Variants in INTS10 observed in about 807,000 individuals in gnomAD.
INTS10 encodes integrator complex subunit 10.
Under a neutral mutation model 94.4 loss-of-function variants are expected in INTS10, and 44 were observed. The observed-to-expected ratio is 0.47, with a 90% CI of 0.37 to 0.60. INTS10 has a LOEUF of 0.60. Among genes scored for constraint, INTS10 ranks in the 20% least tolerant of loss-of-function variants. The pLI is 0.00. For synonymous variants in INTS10, 341 were observed against 320.7 expected (o/e 1.06, Z -0.68); for missense variants, 797 against 868.7 (o/e 0.92, Z 1.04).
At chr8:19,836,730 C>G (rs1222987159) in intron 12 of INTS10, among the ~76,000 whole-genome samples, 1 of 152,194 alleles carries the variant, frequency 6.6e-6, no homozygotes, top group Admixed American at 6.5e-5. Flanking sequence ...CAGTATCTTT[C>G]AGGCAGGGAC....
At chr8:19,818,229 C>T in intron 1 of INTS10, 46 bp from the exon 2 acceptor site, 6 of 1,593,558 alleles carry the variant, frequency 3.8e-6, no homozygotes, top group Non-Finnish European at 5.2e-6. Flanking sequence ...AGCTGGGAGC[C>T]TTCTGGGCAG....
rs1262595727 is a variant in INTS10, at chr8:19,851,630, T to C, written c.1977-19T>C. The C allele has an allele frequency of 5.0e-6, 8 of 1,613,720 alleles. No homozygotes were observed. Among genetic ancestry groups the C allele is most frequent in the Non-Finnish European group, 6.8e-6 (8 of 1,179,670 alleles). ...TGCTAACCCCTGGTCTTTGTCTGTT[T>C]CCCTATTGCTGACCTCAGGCACCAC... On this transcript the variant is annotated intron_variant, in intron 16 of 16. Coordinates refer to ENST00000397977, the MANE Select transcript of INTS10 (RefSeq NM_018142.4). This position sits in a 1 kb window ranked among gnomAD's most constrained non-coding sequence, Gnocchi z 5.0.
chr8:19,838,814 G>A (rs1407464421), intron 13 of INTS10, among the ~76,000 whole-genome samples: 2 of 152,188 alleles, frequency 1.3e-5, no homozygotes, highest in Non-Finnish European at 2.9e-5. Context: ...GCTCATGCCT[G>A]TAATTGCAGC....
chr8:19,817,499 C>G lies in INTS10; in HGVS notation c.-39C>G, dbSNP rs777488737. 2.5e-6 allele frequency: 4 copies of G among 1,591,066 alleles called. No individual in the cohort carries two copies. The highest frequency in any genetic ancestry group is 1.1e-5 in the South Asian group (1 of 88,454). ...GGCTGAGAGTCCAGAGCCGGACGTT[C>G]CGGCCGCTTCGGGCTGGCGGCTGGA... is the stretch of plus-strand genomic sequence containing the variant. On this transcript the variant is annotated 5_prime_UTR_variant, in exon 1 of 17. Coordinates refer to ENST00000397977, the MANE Select transcript of INTS10 (RefSeq NM_018142.4).
At chr8:19,848,220 G>A (rs1442693683) in intron 16 of INTS10, among the ~76,000 whole-genome samples, 1 of 152,126 alleles carries the variant, frequency 6.6e-6, no homozygotes, top group Non-Finnish European at 1.5e-5. Context: ...CCTTTTGGGT[G>A]GTCCCTCCAG....
chr8:19,831,956 T>G, intron 10 of INTS10, 72 bp from the exon 11 acceptor site: 1 of 882,616 alleles, frequency 1.1e-6, no homozygotes. Flanking sequence ...TCTCTCTTAC[T>G]GGATTTGTTA....
rs769114647 is a variant in INTS10 at position 19,843,929 on chromosome 8, C to T, written c.1720-147C>T. ...CAGCTGTGATGTTTACCAGCCATTT[C>T]GTTGTGCCTTTGTTTCCTTCTTACT... On this transcript the variant is annotated intron_variant, in intron 14 of 16. Coordinates refer to ENST00000397977, the MANE Select transcript of INTS10 (RefSeq NM_018142.4). This position sits in a 1 kb window ranked among gnomAD's most constrained non-coding sequence, Gnocchi z 4.7. 11 of 577,780 alleles carry T rather than the reference C, an allele frequency of 1.9e-5. No homozygotes were observed. The highest frequency in any genetic ancestry group is 1.0e-4 in the Admixed American group (3 of 29,440). The allele number at this position is 577,780 out of a possible 1,614,324, so 35.8% of individuals were successfully genotyped here. A position where few individuals can be genotyped will look rare whatever the true frequency, so the allele number is the denominator to read the frequency against.
At chr8:19,823,101 A>G (rs2066514341) in intron 5 of INTS10, among the ~76,000 whole-genome samples, 200 bp from the exon 6 acceptor site, 1 of 152,192 alleles carries the variant, frequency 6.6e-6, no homozygotes, top group East Asian at 1.9e-4. Context: ...CCCACAGCAT[A>G]AAAGTGTCTG....
chr8:19,834,092 C>A (rs4922107), intron 12 of INTS10, among the ~76,000 whole-genome samples: 40,029 of 151,676 alleles, frequency 0.26, 5,314 homozygotes, highest in Middle Eastern at 0.47. Flanking sequence ...CAAGCCCTTC[C>A]TACTACAGGG....
intron 13 of INTS10, among the ~76,000 whole-genome samples, chr8:19,841,620 C>T (rs2068130432): frequency 6.6e-6 from 1 of 152,190 alleles, no homozygotes; most frequent in South Asian, 2.1e-4. Flanking sequence ...TACCATTTCA[C>T]ACACATCAGA....
rs752341190 is a variant in INTS10 at position 19,822,538 on chromosome 8, C to T, written c.523+18C>T. On this transcript the variant is annotated intron_variant, in intron 5 of 16. Coordinates refer to ENST00000397977, the MANE Select transcript of INTS10 (RefSeq NM_018142.4). ...ATTATTTGGTAAGGAAAATTGTATTCTCTATTACTTCTATGGTAAATTAAT... is the reference window on the plus strand; with the variant it reads ...ATTATTTGGTAAGGAAAATTGTATTTTCTATTACTTCTATGGTAAATTAAT... 17 of 1,414,056 alleles carry T rather than the reference C, an allele frequency of 1.2e-5. No homozygotes were observed. The highest frequency in any genetic ancestry group is 1.7e-5 in the Admixed American group (1 of 59,438). The allele number at this position is 1,414,056 out of a possible 1,614,324, so 87.6% of individuals were successfully genotyped here. A position where few individuals can be genotyped will look rare whatever the true frequency, so the allele number is the denominator to read the frequency against.
Position 19,836,722 on chromosome 8 carries a change from G to T in INTS10, c.1531-330G>T, listed in dbSNP as rs144280396. On this transcript the variant is annotated intron_variant, in intron 12 of 16. Coordinates refer to ENST00000397977, the MANE Select transcript of INTS10 (RefSeq NM_018142.4). ...GTTTTTCTATGCAGTGAGTTAGTCA[G>T]TATCTTTCAGGCAGGGACATCTTTC... Among the ~76,000 whole-genome samples, 357 of 152,338 alleles carry T rather than the reference G, an allele frequency of 2.3e-3. 6 individuals are homozygous for T. Among genetic ancestry groups the T allele is most frequent in the African/African-American group, 8.2e-3 (341 of 41,578 alleles).
chr8:19,822,622 A>T (rs980270015), intron 5 of INTS10, 102 bp downstream of exon 5: 9 of 685,946 alleles, frequency 1.3e-5, no homozygotes, highest in Admixed American at 2.8e-5. Context: ...AAGGAGCTTT[A>T]TGTGTTATGG....
rs2068883453 is a variant in INTS10, at chr8:19,849,926, G to A, written c.1977-1723G>A. On this transcript the variant is annotated intron_variant, in intron 16 of 16. Coordinates refer to ENST00000397977, the MANE Select transcript of INTS10 (RefSeq NM_018142.4). The surrounding 1 kb of genome is among the most constrained non-coding windows in gnomAD (Gnocchi z 4.6). ...AATACAAATTGGACCCTGATCTGCA[G>A]GATGTAGCATTTAGTTATATTTTTA... 6.6e-6 allele frequency among the ~76,000 whole-genome samples: 1 copy of A among 152,072 alleles called. No homozygotes were observed. Among genetic ancestry groups the A allele is most frequent in the Non-Finnish European group, 1.5e-5 (1 of 68,016 alleles).
intron 13 of INTS10, among the ~76,000 whole-genome samples, chr8:19,842,391 T>C (rs1322636680): frequency 6.6e-6 from 1 of 152,172 alleles, no homozygotes; most frequent in Non-Finnish European, 1.5e-5. Context: ...TGTGTAACAG[T>C]CATAGGAATG....
chr8:19,819,277 C>T (rs949531078), intron 2 of INTS10, among the ~76,000 whole-genome samples: 2 of 152,058 alleles, frequency 1.3e-5, no homozygotes, highest in Non-Finnish European at 1.5e-5. Context: ...TGTGATTTGC[C>T]TTTGCCTATT....
At chr8:19,837,529 A>G (rs1590017890) in intron 13 of INTS10, 1 of 168,966 alleles carries the variant, frequency 5.9e-6, no homozygotes, top group Non-Finnish European at 1.3e-5. Flanking sequence ...TGAGTGTGTT[A>G]TCTCTTTGAC....
intron 12 of INTS10, among the ~76,000 whole-genome samples, chr8:19,836,842 TC>T (rs1307158713): frequency 6.6e-6 from 1 of 152,316 alleles, no homozygotes; most frequent in East Asian, 1.9e-4. Flanking sequence ...GGATTAGTGT[TC>T]CCTCTAAAGT....
At chr8:19,823,226 G>A (rs1029684254) in intron 5 of INTS10, 75 bp from the exon 6 acceptor site, 12 of 1,183,980 alleles carry the variant, frequency 1.0e-5, no homozygotes, top group African/African-American at 6.2e-5. Flanking sequence ...AATGAACTCT[G>A]AAAGCTTTTG....
Sources: gnomAD v4.1 joint callset for allele counts (sites outside exome capture counted in the v4.1 genomes callset) on GRCh38, gnomAD v4.1.1 for gene constraint, Gnocchi (gnomAD v3.1) non-coding constraint, MANE v1.5 for transcripts, NCBI Gene and HGNC (gene_info 2026-07-23, HGNC 2026-07-21) for gene names.